Variants in NTM observed in about 807,000 individuals in gnomAD.
NTM encodes the protein IgLON family member 2.
NTM carries 13 observed loss-of-function variants against 42.1 expected under a neutral mutation model. That is an observed-to-expected ratio of 0.31 (90% CI 0.20 to 0.49). The LOEUF (loss-of-function observed/expected upper bound fraction) is 0.49, where lower values mean the gene tolerates loss of function less well. Ranked by LOEUF, NTM falls within the 20% of genes least tolerant of loss-of-function variation. NTM has a pLI of 0.99. For synonymous variants in NTM, 187 were observed against 179.2 expected, an observed-to-expected ratio of 1.04 and a Z score of -0.35; for missense variants, 373 against 452.8, an observed-to-expected ratio of 0.82 and a Z score of 1.60.
intron 1 of NTM, among the ~76,000 whole-genome samples, chr11:131,718,242 T>A: frequency 6.6e-6 from 1 of 152,202 alleles, no homozygotes; most frequent in Non-Finnish European, 1.5e-5. Flanking sequence ...TGGGAATTAT[T>A]CCTTCCTCTT....
intron 1 of NTM, among the ~76,000 whole-genome samples, chr11:131,374,270 G>A (rs913999779): frequency 6.6e-6 from 1 of 152,206 alleles, no homozygotes; most frequent in Non-Finnish European, 1.5e-5. Flanking sequence ...GCTCACCTCC[G>A]CCCTTTGTAT....
At chr11:131,991,214 TG>T (rs1293318094) in intron 2 of NTM, among the ~76,000 whole-genome samples, 7 of 152,138 alleles carry the variant, frequency 4.6e-5, no homozygotes, top group African/African-American at 1.7e-4. Context: ...TGTTGTTTTT[TG>T]TTTGTTTTGT....
chr11:131,411,115 G>A (rs1482841580), intron 1 of NTM, among the ~76,000 whole-genome samples: 7 of 152,006 alleles, frequency 4.6e-5, no homozygotes, highest in South Asian at 2.1e-4. Context: ...ATCCCTCCTC[G>A]ATCATTAAAA....
intron 4 of NTM, among the ~76,000 whole-genome samples, chr11:132,266,255 C>T (rs1344432755): frequency 6.6e-6 from 1 of 152,156 alleles, no homozygotes; most frequent in Non-Finnish European, 1.5e-5. Context: ...CTCCGCAAGT[C>T]CAGCTGTGTC....
intron 4 of NTM, among the ~76,000 whole-genome samples, chr11:132,212,741 A>G (rs2083074223): frequency 6.6e-6 from 1 of 152,194 alleles, no homozygotes; most frequent in African/African-American, 2.4e-5. Flanking sequence ...GCTTTCATGG[A>G]TTGTACATTA....
At chr11:132,171,828 T>A (rs2076158602) in intron 3 of NTM, among the ~76,000 whole-genome samples, 1 of 152,246 alleles carries the variant, frequency 6.6e-6, no homozygotes, top group African/African-American at 2.4e-5. Flanking sequence ...AGATGAGCCC[T>A]GTCTGCAGGG....
intron 1 of NTM, among the ~76,000 whole-genome samples, chr11:131,553,627 C>A (rs2055001763): frequency 6.6e-6 from 1 of 152,170 alleles, no homozygotes; most frequent in Non-Finnish European, 1.5e-5. Flanking sequence ...CGCCCACTAC[C>A]AAAACCTTAG....
intron 2 of NTM, among the ~76,000 whole-genome samples, chr11:132,075,978 C>T (rs368887303): frequency 9.9e-5 from 15 of 152,194 alleles, no homozygotes; most frequent in Middle Eastern, 3.4e-3. Context: ...GGTATGTAAT[C>T]AATAGCATAC....
chr11:131,993,733 G>C (rs1310351383), intron 2 of NTM, among the ~76,000 whole-genome samples: 1 of 152,132 alleles, frequency 6.6e-6, no homozygotes, highest in Non-Finnish European at 1.5e-5. Flanking sequence ...CTGAGCGGTG[G>C]CTCATGCCTG....
chr11:131,608,871 A>G (rs527277173), intron 1 of NTM, among the ~76,000 whole-genome samples: 64 of 152,204 alleles, frequency 4.2e-4, no homozygotes, highest in Non-Finnish European at 6.2e-4. Flanking sequence ...TCCTACAGTG[A>G]GTTGACGATG....
intron 1 of NTM, among the ~76,000 whole-genome samples, chr11:131,664,262 T>C (rs2739293): frequency 0.17 from 25,463 of 152,264 alleles, 2,766 homozygotes; most frequent in South Asian, 0.26. Flanking sequence ...AGAAGCATGG[T>C]AGTGTAATAC....
At chr11:131,683,068 CCA>C (rs1379833212) in intron 1 of NTM, among the ~76,000 whole-genome samples, 1 of 152,174 alleles carries the variant, frequency 6.6e-6, no homozygotes, top group East Asian at 1.9e-4. Flanking sequence ...AAATAACAAC[CCA>C]CAGTCATCTG....
Position 131,470,092 on chromosome 11 carries a change from G to A in NTM, c.82+99204G>A, listed in dbSNP as rs895893807. ...TGTCTCATCTACATGGACACTGCCC[G>A]TCCTCTTCTGTGACTCATTTCATAT... On this transcript the variant is annotated intron_variant, in intron 1 of 8. Transcript: ENST00000683400. Among the ~76,000 whole-genome samples the A allele has an allele frequency of 6.6e-5, 10 of 152,312 alleles. No homozygotes were observed. In the South Asian group the frequency reaches 1.4e-3, roughly 22 times the overall value.
chr11:131,530,418 C>T (rs1486794331), intron 1 of NTM, among the ~76,000 whole-genome samples: 6 of 132,320 alleles, frequency 4.5e-5, no homozygotes, highest in African/African-American at 6.7e-5. Context: ...AAGTTGAGTG[C>T]CTTTCTCAAA....
At position 132,314,631 on chromosome 11, in the gene NTM, C is replaced by T. The variant is rs2095374828; in HGVS notation, c.862C>T (p.His288Tyr). Residue 288 changes from histidine (H) to tyrosine (Y), a missense_variant, in exon 7 of 9, where the codon CAT (histidine) becomes TAT (tyrosine). By Grantham distance (83) the His-to-Tyr change is moderately conservative. This residue lies in a region of NTM where 312 missense variants were observed against 353.5 expected (regional missense o/e 0.88). Coordinates refer to ENST00000683400, the MANE Select transcript of NTM (RefSeq NM_001352005.2). Reference sequence around the variant, plus strand: ...ACTCATCTTCTTCAATGTCTCTGAACATGACTATGGGAACTACACTTGCGT... The same window carrying T: ...ACTCATCTTCTTCAATGTCTCTGAATATGACTATGGGAACTACACTTGCGT... ...SKLIFFNVSEHDYGNYTCVAS... is the reference protein window; with the variant it reads ...SKLIFFNVSEYDYGNYTCVAS... 7.4e-6 allele frequency: 12 copies of T among 1,613,958 alleles called. No individual in the cohort carries two copies. The highest frequency in any genetic ancestry group is 3.3e-5 in the South Asian group (3 of 91,012).
intron 1 of NTM, among the ~76,000 whole-genome samples, chr11:131,447,238 A>T (rs1363799319): frequency 6.6e-6 from 1 of 152,084 alleles, no homozygotes; most frequent in Non-Finnish European, 1.5e-5. Flanking sequence ...AGTGCCTCGG[A>T]TGTGATTTTG....
intron 3 of NTM, among the ~76,000 whole-genome samples, chr11:132,181,289 T>A (rs2138050944): frequency 6.6e-6 from 1 of 152,298 alleles, no homozygotes; most frequent in South Asian, 2.1e-4. Context: ...CATTTGAATC[T>A]TCCTTTTATG....
At chr11:132,124,839 A>G (rs923474323) in intron 2 of NTM, among the ~76,000 whole-genome samples, 3 of 152,122 alleles carry the variant, frequency 2.0e-5, no homozygotes, top group Non-Finnish European at 4.4e-5. Context: ...ACAACAACAT[A>G]AAGAAAAATA....
intron 1 of NTM, among the ~76,000 whole-genome samples, chr11:131,737,153 T>C (rs2080570803): frequency 6.6e-6 from 1 of 152,206 alleles, no homozygotes; most frequent in African/African-American, 2.4e-5. Flanking sequence ...TCTGGCATCT[T>C]GTGAGGCATC....
Sources: allele counts gnomAD v4.1 joint callset (sites outside exome capture counted in the v4.1 genomes callset), GRCh38; gene constraint gnomAD v4.1.1; regional missense constraint gnomAD v4.1.1; transcripts MANE v1.5; gene names NCBI Gene and HGNC (gene_info 2026-07-23, HGNC 2026-07-21).